Variants in SLCO5A1 observed in about 807,000 individuals in gnomAD.
SLCO5A1 encodes the protein organic anion transporter polypeptide-related protein 4.
SLCO5A1 carries 39 observed loss-of-function variants against 65.1 expected under a neutral mutation model. That is an observed-to-expected ratio of 0.60 (90% CI 0.46 to 0.78). The LOEUF is 0.78. Ranked by LOEUF, SLCO5A1 falls within the 30% of genes least tolerant of loss-of-function variation. SLCO5A1 has a pLI of 0.00. For missense variants in SLCO5A1, 1,029 were observed against 1,069.4 expected (o/e 0.96, Z 0.53); for synonymous variants, 438 against 415.7 (o/e 1.05, Z -0.65).
In SLCO5A1 at chr8:69,684,300, G is replaced by A. The variant is rs759084084; in HGVS notation, c.1623-1957C>T. On this transcript the variant is annotated intron_variant, in intron 6 of 9. Coordinates refer to ENST00000260126, the MANE Select transcript of SLCO5A1 (RefSeq NM_030958.3). The stretch of plus-strand genomic sequence containing the variant: ...GTTCTCACAACTGAGGGGGTGCTAC[G>A]GGCATCTAATGGGCCAGTAGTTCCT... Among the ~76,000 whole-genome samples the A allele has an allele frequency of 4.6e-5, 7 of 152,222 alleles. No homozygotes were observed. The East Asian group carries it at 5.8e-4, about 13-fold the overall frequency.
chr8:69,736,106 G>A (rs953069497), intron 5 of SLCO5A1, among the ~76,000 whole-genome samples: 8 of 152,310 alleles, frequency 5.3e-5, no homozygotes, highest in East Asian at 1.9e-4. Context: ...AATGGAAGTC[G>A]CATTTTTGAG....
chr8:69,740,935 C>T (rs938305963), intron 4 of SLCO5A1, among the ~76,000 whole-genome samples: 2 of 152,144 alleles, frequency 1.3e-5, no homozygotes, highest in African/African-American at 4.8e-5. Context: ...CATCTACTTG[C>T]TAAAATTTAT....
chr8:69,748,223 C>T (rs1817126697), intron 4 of SLCO5A1, among the ~76,000 whole-genome samples: 1 of 152,208 alleles, frequency 6.6e-6, no homozygotes, highest in Non-Finnish European at 1.5e-5. Context: ...GTACACATGG[C>T]TGCCAGGGCC....
intron 2 of SLCO5A1, among the ~76,000 whole-genome samples, chr8:69,817,925 G>C (rs888766958): frequency 3.3e-5 from 5 of 152,174 alleles, no homozygotes; most frequent in African/African-American, 1.2e-4. Flanking sequence ...GCCTTAGAAG[G>C]TGAGCTCACC....
intron 2 of SLCO5A1, among the ~76,000 whole-genome samples, chr8:69,763,614 C>CAAAAAAAA (rs770191440): frequency 7.6e-5 from 1 of 13,166 alleles, no homozygotes; most frequent in African/African-American, 2.0e-4. Context: ...AGCAAGACTC[C>CAAAAAAAA]AAAAAAAAAA....
chr8:69,739,952 T>C (rs960745006), intron 4 of SLCO5A1, among the ~76,000 whole-genome samples: 11 of 152,162 alleles, frequency 7.2e-5, no homozygotes, highest in Non-Finnish European at 8.8e-5. Context: ...CTGGGAGAAA[T>C]ATAAAATAAA....
intron 5 of SLCO5A1, among the ~76,000 whole-genome samples, chr8:69,736,374 G>T (rs1816554901): frequency 1.3e-5 from 2 of 152,204 alleles, no homozygotes; most frequent in South Asian, 4.1e-4. Context: ...CTAAGAGATG[G>T]CTTTAGCCAT....
intron 2 of SLCO5A1, among the ~76,000 whole-genome samples, chr8:69,803,317 T>G (rs1366440085): frequency 2.0e-5 from 3 of 152,140 alleles, no homozygotes; most frequent in Admixed American, 2.0e-4. Flanking sequence ...CTCAGGAGGC[T>G]GAGGCAGGAG....
intron 6 of SLCO5A1, among the ~76,000 whole-genome samples, chr8:69,702,401 C>G (rs1367333195): frequency 6.6e-6 from 1 of 152,114 alleles, no homozygotes; most frequent in African/African-American, 2.4e-5. Context: ...CACTCCAGAG[C>G]CTGAGTTCTT....
intron 6 of SLCO5A1, among the ~76,000 whole-genome samples, chr8:69,703,199 T>C (rs565015833): frequency 1.3e-4 from 20 of 152,058 alleles, no homozygotes; most frequent in African/African-American, 4.1e-4. Context: ...GCTTTCCACC[T>C]CCTTTTGGTG....
At chr8:69,705,648 A>T (rs1178752417) in intron 5 of SLCO5A1, among the ~76,000 whole-genome samples, 2 of 152,260 alleles carry the variant, frequency 1.3e-5, no homozygotes, top group African/African-American at 4.8e-5. Flanking sequence ...CAATTTGATC[A>T]TTACACATTC....
rs73287586 is a variant in SLCO5A1 at position 69,834,158 on chromosome 8, C to T, written c.-497+696G>A. On this transcript the variant is annotated intron_variant, in intron 1 of 9. Transcript: ENST00000260126. ...CGTACTGGAACCTCTCTCGCGATCCCGCACCCAGCTTGAATTCAGCAAGAA... is the reference window on the plus strand; with the variant it reads ...CGTACTGGAACCTCTCTCGCGATCCTGCACCCAGCTTGAATTCAGCAAGAA... The T allele has an allele frequency of 9.0e-3, 1,401 of 154,922 alleles. 22 individuals are homozygous for T. Among genetic ancestry groups the T allele is most frequent in the African/African-American group, 0.032 (1,318 of 41,570 alleles). 9.6% of individuals were successfully genotyped at this position (154,922 alleles called of 1,614,324 possible).
chr8:69,728,702 A>G (rs1403154668), intron 5 of SLCO5A1, among the ~76,000 whole-genome samples: 2 of 152,220 alleles, frequency 1.3e-5, no homozygotes, highest in Non-Finnish European at 2.9e-5. Context: ...ATACATACAT[A>G]CAAACACACA....
chr8:69,826,527 A>G, intron 2 of SLCO5A1, among the ~76,000 whole-genome samples: 1 of 152,218 alleles, frequency 6.6e-6, no homozygotes, highest in Non-Finnish European at 1.5e-5. Flanking sequence ...AACACACGAA[A>G]AAATGCTCAC....
chr8:69,696,503 C>G (rs1814504407), intron 6 of SLCO5A1, among the ~76,000 whole-genome samples: 1 of 152,214 alleles, frequency 6.6e-6, no homozygotes, highest in Non-Finnish European at 1.5e-5. Flanking sequence ...CTTCCATTCT[C>G]ATTTATCCGT....
rs138781235 is a variant in SLCO5A1, at chr8:69,750,414, C to T, written c.1258+5010G>A. ...TACCTCTTTGAGTGCTACCAAACACCGACTCAAACCTCCCCATTCCCCGTT... is the reference window on the plus strand; with the variant it reads ...TACCTCTTTGAGTGCTACCAAACACTGACTCAAACCTCCCCATTCCCCGTT... On this transcript the variant is annotated intron_variant, in intron 4 of 9. Coordinates refer to ENST00000260126, the MANE Select transcript of SLCO5A1 (RefSeq NM_030958.3). Among the ~76,000 whole-genome samples the T allele has an allele frequency of 9.3e-4, 141 of 152,100 alleles. 1 individual carries two copies. Among genetic ancestry groups the T allele is most frequent in the African/African-American group, 2.0e-3 (85 of 41,490 alleles).
At chr8:69,761,678 G>A in intron 3 of SLCO5A1, 65 bp downstream of exon 3, 1 of 1,553,682 alleles carries the variant, frequency 6.4e-7, no homozygotes, top group South Asian at 1.2e-5. Flanking sequence ...TTAAATACAA[G>A]TGTACCATGA....
Position 69,791,803 on chromosome 8 carries a change from C to G in SLCO5A1, c.908-29928G>C, listed in dbSNP as rs142437724. Among the ~76,000 whole-genome samples, 189 of 152,278 alleles carry G rather than the reference C, an allele frequency of 1.2e-3. 2 individuals are homozygous for G. Among genetic ancestry groups the G allele is most frequent in the East Asian group, 7.9e-3 (41 of 5,180 alleles). On this transcript the variant is annotated intron_variant, in intron 2 of 9. Coordinates refer to ENST00000260126, the MANE Select transcript of SLCO5A1 (RefSeq NM_030958.3). Reference sequence around the variant, plus strand: ...AATCCTATACCCAAGAATTTAAAGACCTTCTCTAATAAGTGAATTACAGAA... The same window carrying G: ...AATCCTATACCCAAGAATTTAAAGAGCTTCTCTAATAAGTGAATTACAGAA...
At chr8:69,685,962 A>G (rs1163492146) in intron 6 of SLCO5A1, among the ~76,000 whole-genome samples, 1 of 152,208 alleles carries the variant, frequency 6.6e-6, no homozygotes, top group African/African-American at 2.4e-5. Context: ...GTATGTAAGA[A>G]CACAGTGGCC....
Sources: gnomAD v4.1 joint callset for allele counts (sites outside exome capture counted in the v4.1 genomes callset) on GRCh38, gnomAD v4.1.1 for gene constraint, MANE v1.5 for transcripts, NCBI Gene and HGNC (gene_info 2026-07-23, HGNC 2026-07-21) for gene names.